Variants in TYW1 observed in about 807,000 individuals in gnomAD.
TYW1 encodes the protein tRNA-yW synthesizing protein 1 homolog.
In TYW1, 46 loss-of-function variants were observed where a neutral mutation model predicts 96.2. The ratio of observed to expected loss-of-function variants is 0.48; its 90% CI spans 0.38 to 0.61. The LOEUF (loss-of-function observed/expected upper bound fraction) is 0.61. Ranked by LOEUF, TYW1 falls within the 20% of genes least tolerant of loss-of-function variation. The probability of loss-of-function intolerance (pLI) is 0.00; values close to 1 mark genes in which losing one functional copy is unlikely to be tolerated. For synonymous variants in TYW1, 274 were observed against 323.0 expected, an observed-to-expected ratio of 0.85 and a Z score of 1.63; for missense variants, 684 against 909.6, an observed-to-expected ratio of 0.75 and a Z score of 3.19.
intron 3 of TYW1, among the ~76,000 whole-genome samples, chr7:67,003,017 C>T (rs1161871042): frequency 6.6e-6 from 1 of 151,926 alleles, no homozygotes; most frequent in Non-Finnish European, 1.5e-5. Context: ...GTGATTCACC[C>T]GCCTCGGCCA....
chr7:67,172,212 G>A (rs4534031), intron 13 of TYW1, among the ~76,000 whole-genome samples: 56,598 of 150,294 alleles, frequency 0.38, 11,423 homozygotes, highest in African/African-American at 0.51. Flanking sequence ...TGGTTTTTTA[G>A]TATTTATTTT....
intron 4 of TYW1, among the ~76,000 whole-genome samples, chr7:67,011,282 T>C (rs1354659605): frequency 6.6e-6 from 1 of 151,966 alleles, no homozygotes; most frequent in African/African-American, 2.4e-5. Flanking sequence ...AGGTGATTTA[T>C]TTGCCTCGGC....
At chr7:67,117,734 A>T (rs1478706518) in intron 13 of TYW1, 116 bp downstream of exon 13, 21 of 1,293,568 alleles carry the variant, frequency 1.6e-5, no homozygotes, top group Non-Finnish European at 2.1e-5. Flanking sequence ...TTCTCTTTAA[A>T]ATAAAAAAAG....
At chr7:67,191,481 A>G (rs1050329257) in intron 14 of TYW1, among the ~76,000 whole-genome samples, 9 of 151,242 alleles carry the variant, frequency 6.0e-5, no homozygotes, top group South Asian at 2.1e-4. Flanking sequence ...GTACCCATCT[A>G]TTTTCTTCAG....
chr7:67,006,948 C>CTTTTTTTTTTTTTT lies in TYW1; in HGVS notation c.274-2619_274-2606dup, dbSNP rs34475001. Reference sequence around the variant, plus strand: ...CAAAACAGTAGGGAGAGATGTGAGGCTTTTTTTTTTTTTTTTTTTTTTTTT... The same window carrying CTTTTTTTTTTTTTT: ...CAAAACAGTAGGGAGAGATGTGAGGCTTTTTTTTTTTTTTTTTTTTTTTTTTTTTTTTTTTTTTT... On this transcript the variant is annotated intron_variant, in intron 3 of 15. Transcript: ENST00000359626. Among the ~76,000 whole-genome samples, 11 of 45,118 alleles carry CTTTTTTTTTTTTTT rather than the reference C, an allele frequency of 2.4e-4. 2 individuals are homozygous for CTTTTTTTTTTTTTT. Among genetic ancestry groups the CTTTTTTTTTTTTTT allele is most frequent in the Non-Finnish European group, 3.3e-4 (9 of 27,178 alleles). The allele number at this position is 45,118 out of a possible 152,430, so 29.6% of individuals were successfully genotyped here.
At chr7:67,181,092 G>T (rs1258227874) in intron 13 of TYW1, among the ~76,000 whole-genome samples, 4 of 152,122 alleles carry the variant, frequency 2.6e-5, no homozygotes, top group Admixed American at 2.6e-4. Context: ...TTAAAAGCAG[G>T]GATGGCTTTT....
chr7:67,141,564 C>T (rs1473903919), intron 13 of TYW1, among the ~76,000 whole-genome samples: 2 of 152,194 alleles, frequency 1.3e-5, no homozygotes, highest in Non-Finnish European at 2.9e-5. Flanking sequence ...AAATATTTCA[C>T]TGGAAGCCCA....
intron 4 of TYW1, among the ~76,000 whole-genome samples, chr7:67,010,042 G>T (rs57683546): frequency 0.2 from 30,302 of 150,722 alleles, 3,232 homozygotes; most frequent in East Asian, 0.29. Context: ...GAGTGCAGTG[G>T]TGCAATCTCA....
At chr7:67,037,387 C>G (rs915303199) in intron 7 of TYW1, among the ~76,000 whole-genome samples, 18 of 151,738 alleles carry the variant, frequency 1.2e-4, no homozygotes, top group African/African-American at 4.4e-4. Flanking sequence ...GCCTGTAATC[C>G]CAGCTACTTG....
intron 15 of TYW1, among the ~76,000 whole-genome samples, chr7:67,198,510 G>A (rs1016953989): frequency 2.0e-5 from 3 of 150,890 alleles, no homozygotes; most frequent in Non-Finnish European, 4.4e-5. Flanking sequence ...GAGCCTGGGC[G>A]ACTGCACTCC....
chr7:67,043,228 G>A (rs927990324), intron 7 of TYW1, among the ~76,000 whole-genome samples: 5 of 152,128 alleles, frequency 3.3e-5, no homozygotes, highest in Non-Finnish European at 7.4e-5. Flanking sequence ...GCTTCCCCAG[G>A]GAGGAGTGGT....
intron 10 of TYW1, among the ~76,000 whole-genome samples, chr7:67,072,138 G>C (rs1459600839): frequency 6.7e-6 from 1 of 149,262 alleles, no homozygotes; most frequent in African/African-American, 2.5e-5. Flanking sequence ...TTGGTGCCTA[G>C]CTCTTCTTCC....
chr7:67,013,958 T>C lies in TYW1; in HGVS notation c.376-409T>C, dbSNP rs181552118. Among the ~76,000 whole-genome samples, 4 of 152,090 alleles carry C rather than the reference T, an allele frequency of 2.6e-5. No individual in the cohort carries two copies. In the East Asian group the frequency reaches 7.8e-4, roughly 29 times the overall value. On this transcript the variant is annotated intron_variant, in intron 4 of 15. Coordinates refer to ENST00000359626, the MANE Select transcript of TYW1 (RefSeq NM_018264.4). ...CGAGGTTTCACCGTATTAGCCAGGA[T>C]GGTCTCGATCTCCTGACATTGTGAT... is the stretch of plus-strand genomic sequence containing the variant.
At chr7:67,045,445 T>G (rs1465329331) in intron 7 of TYW1, among the ~76,000 whole-genome samples, 1 of 152,184 alleles carries the variant, frequency 6.6e-6, no homozygotes, top group Non-Finnish European at 1.5e-5. Context: ...TTCCAATTCC[T>G]TGGCTCAACC....
intron 7 of TYW1, among the ~76,000 whole-genome samples, chr7:67,048,089 C>CGTGTTAAAATTTTTAATCTGTTTTAT (rs57594073): frequency 1 from 78,076 of 78,410 alleles, 39,003 homozygotes; most frequent in Middle Eastern, 1. Context: ...TGCCCAGCCA[C>CGTGTTAAAATTTTTAATCTGTTTTAT]ATATGGGGGA....
intron 12 of TYW1, among the ~76,000 whole-genome samples, chr7:67,108,590 C>T (rs188379899): frequency 1.8e-3 from 280 of 151,870 alleles, no homozygotes; most frequent in African/African-American, 6.1e-3. Flanking sequence ...TACCGGTGCG[C>T]GCCACCACAC....
intron 7 of TYW1, among the ~76,000 whole-genome samples, chr7:67,033,945 G>A (rs1311929579): frequency 5.9e-5 from 9 of 151,736 alleles, no homozygotes; most frequent in Non-Finnish European, 1.2e-4. Flanking sequence ...TGCCCACCTC[G>A]GCCTCCCAGA....
chr7:67,057,559 C>T (rs11524606), intron 9 of TYW1, among the ~76,000 whole-genome samples: 36,979 of 151,716 alleles, frequency 0.24, 4,778 homozygotes, highest in African/African-American at 0.32. Context: ...TTAGTTGAGA[C>T]GGGGTTTCAC....
intron 15 of TYW1, among the ~76,000 whole-genome samples, chr7:67,208,796 T>C (rs756857461): frequency 6.6e-6 from 1 of 152,136 alleles, no homozygotes; most frequent in Non-Finnish European, 1.5e-5. Flanking sequence ...TTTGTAAGAT[T>C]TTCACAACAT....
Sources: gnomAD v4.1 joint callset for allele counts (sites outside exome capture counted in the v4.1 genomes callset) on GRCh38, gnomAD v4.1.1 for gene constraint, MANE v1.5 for transcripts, NCBI Gene and HGNC (gene_info 2026-07-23, HGNC 2026-07-21) for gene names.